Variants in CCDC180 observed in about 807,000 individuals in gnomAD.
CCDC180 encodes the protein coiled-coil domain containing 180.
A neutral mutation model predicts 209.2 loss-of-function variants in CCDC180; 154 were observed. The observed-to-expected ratio is 0.74, with a 90% CI of 0.65 to 0.84. The LOEUF is 0.84. CCDC180 is among the 40% of genes least tolerant of loss of function. The pLI, the probability that CCDC180 is intolerant of heterozygous loss-of-function variation, is 0.00. For missense variants in CCDC180, 1,874 were observed against 1,997.3 expected (o/e 0.94, Z 1.18); for synonymous variants, 778 against 749.1 (o/e 1.04, Z -0.63).
Position 97,318,453 on chromosome 9 carries a change from T to C in CCDC180, c.960-10T>C. ...CTCCCCTTTATGGTGCCAACATGTCTGGCCACCAGTGAGTTCATGGCCAGT... is the reference window on the plus strand; with the variant it reads ...CTCCCCTTTATGGTGCCAACATGTCCGGCCACCAGTGAGTTCATGGCCAGT... On this transcript the variant is annotated splice_polypyrimidine_tract_variant and intron_variant, in intron 9 of 36. Transcript: ENST00000529487. 1 of 1,613,110 alleles carries C rather than the reference T, an allele frequency of 6.2e-7. No homozygotes were observed. The highest frequency in any genetic ancestry group is 8.5e-7 in the Non-Finnish European group (1 of 1,179,604).
intron 18 of CCDC180, among the ~76,000 whole-genome samples, chr9:97,334,648 G>A (rs745427719): frequency 1.8e-4 from 28 of 152,010 alleles, no homozygotes; most frequent in Non-Finnish European, 3.7e-4. Flanking sequence ...AACGTTTCCT[G>A]TTTTCCTATA....
intron 5 of CCDC180, among the ~76,000 whole-genome samples, chr9:97,313,969 G>T (rs962735708): frequency 1.3e-5 from 2 of 152,142 alleles, no homozygotes; most frequent in African/African-American, 2.4e-5. Context: ...CCAAGAACAG[G>T]CTCTCCAGCC....
In CCDC180 at chr9:97,347,407, G is replaced by T; in HGVS notation, c.2592G>T (p.Leu864=). The T allele has an allele frequency of 6.5e-7, 1 of 1,536,112 alleles. No individual in the cohort carries two copies. The highest frequency in any genetic ancestry group is 8.7e-7 in the Non-Finnish European group (1 of 1,146,908). ...RVTVATKINE[L]DSELELHLHL... ...CCGTGGCCACCAAAATCAATGAGCT[G>T]GATTCAGAACTGGAGCTGCATCTGC... Residue 864 remains leucine (L), a synonymous_variant, in exon 20 of 37, where the codon CTG becomes CTT. Coordinates refer to ENST00000529487, the MANE Select transcript of CCDC180 (RefSeq NM_020893.6).
chr9:97,375,047 G>A (rs1489689951), intron 35 of CCDC180, among the ~76,000 whole-genome samples: 1 of 152,244 alleles, frequency 6.6e-6, no homozygotes, highest in African/African-American at 2.4e-5. Context: ...TGTGCCCCAA[G>A]AGTGTGACTC....
chr9:97,319,109 C>T (rs1259146074), intron 10 of CCDC180, among the ~76,000 whole-genome samples: 1 of 152,056 alleles, frequency 6.6e-6, no homozygotes, highest in Non-Finnish European at 1.5e-5. Context: ...AGCCCAGGGC[C>T]AGAGAGCTGG....
chr9:97,365,489 GA>G (rs1298224112), intron 29 of CCDC180, 183 bp from the exon 30 acceptor site: 1 of 595,006 alleles, frequency 1.7e-6, no homozygotes, highest in Non-Finnish European at 3.0e-6. Context: ...ACCAAGAAGA[GA>G]AGAAAGTTAG....
At position 97,365,715 on chromosome 9, in the gene CCDC180, T is replaced by C. The variant is rs1826899596; in HGVS notation, c.4023T>C (p.Ser1341=). 6.2e-6 allele frequency: 10 copies of C among 1,614,000 alleles called. No homozygotes were observed. The highest frequency in any genetic ancestry group is 7.6e-6 in the Non-Finnish European group (9 of 1,179,964). The change falls in exon 30 of 37, where the codon AGT becomes AGC. Residue 1341 remains serine, a synonymous_variant. Transcript: ENST00000529487. ...TCTTGACCCTCCTCTGGGAGAGCAG[T>C]GAGAACCTGCTGACAGTCGCAGAGG... is the stretch of plus-strand genomic sequence containing the variant. ...GIILTLLWES[S]ENLLTVAEEF... is the part of the protein sequence containing the mutation.
intron 21 of CCDC180, among the ~76,000 whole-genome samples, chr9:97,349,568 A>G (rs1587819582): frequency 6.6e-6 from 1 of 152,206 alleles, no homozygotes; most frequent in Non-Finnish European, 1.5e-5. Context: ...GGGGAAGACC[A>G]CTTCCCCTCA....
chr9:97,328,171 C>T (rs774352238), intron 16 of CCDC180, 25 bp downstream of exon 16: 18 of 1,608,954 alleles, frequency 1.1e-5, no homozygotes, highest in African/African-American at 2.7e-5. Context: ...ATGATACACC[C>T]AGCCACTCAT....
chr9:97,346,183 A>C (rs1376509040), intron 19 of CCDC180, among the ~76,000 whole-genome samples: 1 of 152,184 alleles, frequency 6.6e-6, no homozygotes, highest in Non-Finnish European at 1.5e-5. Context: ...GTGTCTATCC[A>C]ATGACTTCAC....
At chr9:97,358,666 G>A (rs368465223) in intron 25 of CCDC180, among the ~76,000 whole-genome samples, 78 of 152,134 alleles carry the variant, frequency 5.1e-4, no homozygotes, top group African/African-American at 1.7e-3. Context: ...CTGGATCTAC[G>A]GGTTCAACTC....
Position 97,313,337 on chromosome 9 carries a change from G to A in CCDC180, c.451G>A (p.Val151Met). 1 of 1,608,620 alleles carries A rather than the reference G, an allele frequency of 6.2e-7. No individual in the cohort carries two copies. Among genetic ancestry groups the A allele is most frequent in the Non-Finnish European group, 8.5e-7 (1 of 1,175,702 alleles). The change falls in exon 5 of 37, where the codon GTG becomes ATG. Residue 151 changes from valine (V) to methionine (M), a missense_variant. Transcript: ENST00000529487. Reference sequence around the variant, plus strand: ...CAGCTTTCAGGAGGAGATTGCGCAGGTGGGAAAGGTGAGAATCCTCCCTCT... The same window carrying A: ...CAGCTTTCAGGAGGAGATTGCGCAGATGGGAAAGGTGAGAATCCTCCCTCT... Reference protein sequence around the residue: ...LASFQEEIAQVGKEMEPLIVD... With the variant: ...LASFQEEIAQMGKEMEPLIVD...
intron 31 of CCDC180, among the ~76,000 whole-genome samples, chr9:97,368,287 C>A (rs1826982521): frequency 6.6e-6 from 1 of 151,972 alleles, no homozygotes; most frequent in Non-Finnish European, 1.5e-5. Flanking sequence ...GAGTAGTAAC[C>A]CTGGTTATTG....
chr9:97,320,655 G>A (rs1441359940), intron 11 of CCDC180, among the ~76,000 whole-genome samples: 1 of 152,172 alleles, frequency 6.6e-6, no homozygotes, highest in Non-Finnish European at 1.5e-5. Context: ...TACTTGTGGG[G>A]TGGATGTCCA....
intron 18 of CCDC180, among the ~76,000 whole-genome samples, chr9:97,331,511 C>T (rs1215404236): frequency 6.6e-6 from 1 of 152,028 alleles, no homozygotes; most frequent in Non-Finnish European, 1.5e-5. Flanking sequence ...GGAATACACT[C>T]CCACCAGCAG....
intron 35 of CCDC180, 58 bp from the exon 36 acceptor site, chr9:97,375,396 G>T: frequency 6.2e-7 from 1 of 1,606,684 alleles, no homozygotes. Flanking sequence ...AGGGTTGGTA[G>T]GTGGATTATG....
chr9:97,366,779 G>T lies in CCDC180; in HGVS notation c.4189+79G>T. On this transcript the variant is annotated intron_variant, in intron 31 of 36. Coordinates refer to ENST00000529487, the MANE Select transcript of CCDC180 (RefSeq NM_020893.6). The surrounding 1 kb of genome is among the most constrained non-coding windows in gnomAD (Gnocchi z 4.3). ...GGTGGAGCTCGGCCTTGGCCTTGTGGCCTGGATCCTCCCCTCTGGGGGAGG... is the reference window on the plus strand; with the variant it reads ...GGTGGAGCTCGGCCTTGGCCTTGTGTCCTGGATCCTCCCCTCTGGGGGAGG... 6.7e-7 allele frequency: 1 copy of T among 1,498,626 alleles called. No individual in the cohort carries two copies. The highest frequency in any genetic ancestry group is 9.0e-7 in the Non-Finnish European group (1 of 1,112,008). The allele number at this position is 1,498,626 out of a possible 1,614,324, so 92.8% of individuals were successfully genotyped here.
rs1331247912 is a variant in CCDC180 at position 97,376,607 on chromosome 9, G to T, written c.4843-156G>T. 5 of 721,248 alleles carry T rather than the reference G, an allele frequency of 6.9e-6. No homozygotes were observed. In the East Asian group the frequency reaches 1.4e-4, roughly 20 times the overall value. The allele number at this position is 721,248 out of a possible 1,614,324, so 44.7% of individuals were successfully genotyped here. On this transcript the variant is annotated intron_variant, in intron 36 of 36. Coordinates refer to ENST00000529487, the MANE Select transcript of CCDC180 (RefSeq NM_020893.6). ...CTTGTAAAATGGGGAAAACAACTAG[G>T]ACTACCTGGTTTCTACCTGAGAAGT...
intron 18 of CCDC180, among the ~76,000 whole-genome samples, chr9:97,333,373 C>A (rs756605320): frequency 5.3e-4 from 80 of 152,062 alleles, no homozygotes; most frequent in Non-Finnish European, 2.9e-5. Flanking sequence ...AGCGTGATTC[C>A]GGCTTCATAG....
Sources: gnomAD v4.1 joint callset for allele counts (sites outside exome capture counted in the v4.1 genomes callset) on GRCh38, gnomAD v4.1.1 for gene constraint, Gnocchi (gnomAD v3.1) non-coding constraint, MANE v1.5 for transcripts, NCBI Gene and HGNC (gene_info 2026-07-23, HGNC 2026-07-21) for gene names.